Variants in FGF19 observed in about 807,000 individuals in gnomAD.
FGF19 encodes the protein fibroblast growth factor 19.
Under a neutral mutation model 8.9 loss-of-function variants are expected in FGF19, and 5 were observed. The ratio of observed to expected loss-of-function variants is 0.56; its 90% CI spans 0.29 to 1.18. The LOEUF is 1.18. FGF19 is among the 50% of genes most tolerant of loss of function. FGF19 has a pLI of 0.08. For synonymous variants in FGF19, 124 were observed against 128.0 expected (o/e 0.97, Z 0.21); for missense variants, 237 against 293.9 (o/e 0.81, Z 1.42).
At chr11:69,701,589 C>A (rs1239560302) in intron 2 of FGF19, among the ~76,000 whole-genome samples, 1 of 110,522 alleles carries the variant, frequency 9.0e-6, no homozygotes, top group Non-Finnish European at 1.7e-5. Context: ...GGCGACAGAG[C>A]AAGCGAGACT....
At position 69,702,974 on chromosome 11, in the gene FGF19, T is replaced by A. The variant is rs1854792957; in HGVS notation, c.336+287A>T. On this transcript the variant is annotated intron_variant, in intron 2 of 2. Transcript: ENST00000294312. This position sits in a 1 kb window ranked among gnomAD's most constrained non-coding sequence, Gnocchi z 4.6. ...TTTAATATCAAAGGAGGCCGAATAA[T>A]GGGTTTCCTCGGTCCGGCTAGGCCG... Among the ~76,000 whole-genome samples, 1 of 152,078 alleles carries A rather than the reference T, an allele frequency of 6.6e-6. No homozygotes were observed. Among genetic ancestry groups the A allele is most frequent in the Non-Finnish European group, 1.5e-5 (1 of 68,002 alleles).
chr11:69,699,248 G>T lies in FGF19; in HGVS notation c.*14C>A. 6.3e-7 allele frequency: 1 copy of T among 1,589,738 alleles called. No homozygotes were observed. ...GCCCCTGGCAGCAGTGAAGAGGCCC[G>T]GGCATGGTCTCAGTTACTTCTCAAA... On this transcript the variant is annotated 3_prime_UTR_variant, in exon 3 of 3. Transcript: ENST00000294312.
Position 69,699,165 on chromosome 11 carries a change from G to T in FGF19, c.*97C>A. The T allele has an allele frequency of 1.2e-6, 1 of 841,896 alleles. No individual in the cohort carries two copies. The highest frequency in any genetic ancestry group is 1.8e-5 in the South Asian group (1 of 56,778). 52.2% of individuals were successfully genotyped at this position (841,896 alleles called of 1,614,324 possible). A position where few individuals can be genotyped will look rare whatever the true frequency, so the allele number is the denominator to read the frequency against. On this transcript the variant is annotated 3_prime_UTR_variant, in exon 3 of 3. Transcript: ENST00000294312. Reference sequence around the variant, plus strand: ...AGATGTTTCTTCCTAAAGCTAAACAGAACGTGGACTCAGGACTGTTCTTGT... The same window carrying T: ...AGATGTTTCTTCCTAAAGCTAAACATAACGTGGACTCAGGACTGTTCTTGT...
chr11:69,699,487 C>T lies in FGF19; in HGVS notation c.426G>A (p.Pro142=), dbSNP rs778239635. ...GCTGTTTGGCACTGCTCAGGGAGACCGGGAGGCGGTGCTTCTCGGATCGGT... is the reference window on the plus strand; with the variant it reads ...GCTGTTTGGCACTGCTCAGGGAGACTGGGAGGCGGTGCTTCTCGGATCGGT... ...NVYRSEKHRL[P]VSLSSAKQRQ... The change falls in exon 3 of 3, where the codon CCG becomes CCA. Residue 142 remains proline, a synonymous_variant. Coordinates refer to ENST00000294312, the MANE Select transcript of FGF19 (RefSeq NM_005117.3). The T allele has an allele frequency of 1.4e-5, 22 of 1,614,160 alleles. No homozygotes were observed. The highest frequency in any genetic ancestry group is 5.5e-5 in the South Asian group (5 of 91,082).
chr11:69,700,191 A>G (rs1854752916), intron 2 of FGF19, among the ~76,000 whole-genome samples: 2 of 152,138 alleles, frequency 1.3e-5, no homozygotes, highest in African/African-American at 4.8e-5. Context: ...TATGTACATT[A>G]TGTTAATATA....
In FGF19 at chr11:69,702,433, T is replaced by C. The variant is rs1236913868; in HGVS notation, c.336+828A>G. 6.6e-6 allele frequency among the ~76,000 whole-genome samples: 1 copy of C among 152,002 alleles called. No individual in the cohort carries two copies. Among genetic ancestry groups the C allele is most frequent in the Non-Finnish European group, 1.5e-5 (1 of 67,972 alleles). On this transcript the variant is annotated intron_variant, in intron 2 of 2. Transcript: ENST00000294312. This position sits in a 1 kb window ranked among gnomAD's most constrained non-coding sequence, Gnocchi z 4.6. ...CCGCCAGGGAGTCCGGGGCTGCGTG[T>C]GAGGCCTGCGCGGGCCGAGACCTCA...
rs1854810249 is a variant in FGF19, at chr11:69,703,940, C to T, written c.-64G>A. On this transcript the variant is annotated 5_prime_UTR_variant, in exon 1 of 3. Transcript: ENST00000294312. The surrounding 1 kb of genome is among the most constrained non-coding windows in gnomAD (Gnocchi z 6.8). Reference sequence around the variant, plus strand: ...GGGGTGCGGGAGGCTGGGCGGCGACCGGGATGCGCTGCGGGGCTGTGAGTG... The same window carrying T: ...GGGGTGCGGGAGGCTGGGCGGCGACTGGGATGCGCTGCGGGGCTGTGAGTG... 2.0e-6 allele frequency: 2 copies of T among 1,007,370 alleles called. No homozygotes were observed. The highest frequency in any genetic ancestry group is 2.6e-6 in the Non-Finnish European group (2 of 778,984). 62.4% of individuals were successfully genotyped at this position (1,007,370 alleles called of 1,614,324 possible). A position where few individuals can be genotyped will look rare whatever the true frequency, so the allele number is the denominator to read the frequency against.
rs115437861 is a variant in FGF19 at position 69,703,224 on chromosome 11, C to T, written c.336+37G>A. The T allele has an allele frequency of 4.8e-6, 7 of 1,465,658 alleles. No individual in the cohort carries two copies. The African/African-American group carries it at 8.4e-5, about 18-fold the overall frequency. The allele number at this position is 1,465,658 out of a possible 1,614,324, so 90.8% of individuals were successfully genotyped here. ...CTCCGCCCGGGGACAGGCGCCGGTC[C>T]CCCGCCCCGGCGCATCCGCCCCGTG... On this transcript the variant is annotated intron_variant, in intron 2 of 2. Coordinates refer to ENST00000294312, the MANE Select transcript of FGF19 (RefSeq NM_005117.3). This position sits in a 1 kb window ranked among gnomAD's most constrained non-coding sequence, Gnocchi z 6.8.
At chr11:69,700,343 A>G (rs920942810) in intron 2 of FGF19, among the ~76,000 whole-genome samples, 1 of 152,056 alleles carries the variant, frequency 6.6e-6, no homozygotes, top group African/African-American at 2.4e-5. Flanking sequence ...CTACATATAC[A>G]CTCTATATAG....
intron 2 of FGF19, among the ~76,000 whole-genome samples, chr11:69,701,606 CAAAAA>C (rs35300469): frequency 1.7e-5 from 1 of 59,880 alleles, no homozygotes; most frequent in Non-Finnish European, 2.8e-5. Flanking sequence ...GACTCCGTCT[CAAAAA>C]AAAAAAAAAA....
chr11:69,700,088 C>CA (rs976908313), intron 2 of FGF19, among the ~76,000 whole-genome samples: 90 of 145,052 alleles, frequency 6.2e-4, no homozygotes, highest in Middle Eastern at 3.5e-3. Context: ...GACCCTGTCT[C>CA]AAAAAAAAAC....
At chr11:69,699,715 A>G (rs983396628) in intron 2 of FGF19, 139 bp from the exon 3 acceptor site, 2 of 613,802 alleles carry the variant, frequency 3.3e-6, no homozygotes, top group Non-Finnish European at 5.7e-6. Context: ...TGTTTTATAC[A>G]TACTTCCTGA....
At chr11:69,700,204 A>G (rs1042000008) in intron 2 of FGF19, among the ~76,000 whole-genome samples, 1 of 152,082 alleles carries the variant, frequency 6.6e-6, no homozygotes, top group Non-Finnish European at 1.5e-5. Context: ...TTAATATATA[A>G]CCCATTAATA....
At position 69,703,948 on chromosome 11, in the gene FGF19, G is replaced by C; in HGVS notation, c.-72C>G. 1.1e-6 allele frequency: 1 copy of C among 920,126 alleles called. No homozygotes were observed. Among genetic ancestry groups the C allele is most frequent in the Non-Finnish European group, 1.4e-6 (1 of 699,778 alleles). The allele number at this position is 920,126 out of a possible 1,614,324, so 57.0% of individuals were successfully genotyped here. On this transcript the variant is annotated 5_prime_UTR_variant, in exon 1 of 3. Transcript: ENST00000294312. The surrounding 1 kb of genome is among the most constrained non-coding windows in gnomAD (Gnocchi z 6.8). Reference sequence around the variant, plus strand: ...GGAGGCTGGGCGGCGACCGGGATGCGCTGCGGGGCTGTGAGTGCCGGGTTG... The same window carrying C: ...GGAGGCTGGGCGGCGACCGGGATGCCCTGCGGGGCTGTGAGTGCCGGGTTG...
At position 69,703,661 on chromosome 11, in the gene FGF19, C is replaced by A; in HGVS notation, c.216G>T (p.Arg72=). The A allele has an allele frequency of 8.1e-7, 1 of 1,232,668 alleles. No homozygotes were observed. The highest frequency in any genetic ancestry group is 1.0e-6 in the Non-Finnish European group (1 of 988,766). 76.4% of individuals were successfully genotyped at this position (1,232,668 alleles called of 1,614,324 possible). The stretch of plus-strand genomic sequence containing the variant: ...GGCACTCACTGTGCGCGCTCTGGCC[C>A]CGCGCGCAGTCCACGACGCCGTCGG... The part of the protein sequence containing the change: ...IRADGVVDCA[R]GQSAHSLLEI... Residue 72 remains arginine, a synonymous_variant, in exon 1 of 3, where the codon CGG becomes CGT. Transcript: ENST00000294312. The surrounding 1 kb of genome is among the most constrained non-coding windows in gnomAD (Gnocchi z 6.8).
rs535306148 is a variant in FGF19, at chr11:69,702,675, C to G, written c.336+586G>C. On this transcript the variant is annotated intron_variant, in intron 2 of 2. Transcript: ENST00000294312. This position sits in a 1 kb window ranked among gnomAD's most constrained non-coding sequence, Gnocchi z 4.6. ...GGCCCGCAGGAGGAAAAGCACTCCC[C>G]TGGCGCAACATGACTCCAGCGCATC... is the stretch of plus-strand genomic sequence containing the variant. Among the ~76,000 whole-genome samples the G allele has an allele frequency of 6.6e-6, 1 of 152,142 alleles. No individual in the cohort carries two copies. The highest frequency in any genetic ancestry group is 1.5e-5 in the Non-Finnish European group (1 of 68,032).
At chr11:69,699,703 C>T in intron 2 of FGF19, 127 bp from the exon 3 acceptor site, 1 of 643,198 alleles carries the variant, frequency 1.6e-6, no homozygotes, top group East Asian at 2.7e-5. Context: ...GCATCACTTG[C>T]ATGTTTTATA....
rs1229556692 is a variant in FGF19, at chr11:69,702,256, ACGG to A, written c.336+1002_336+1004del. Among the ~76,000 whole-genome samples, 2 of 152,150 alleles carry A rather than the reference ACGG, an allele frequency of 1.3e-5. No homozygotes were observed. The highest frequency in any genetic ancestry group is 2.9e-5 in the Non-Finnish European group (2 of 68,018). On this transcript the variant is annotated intron_variant, in intron 2 of 2. Coordinates refer to ENST00000294312, the MANE Select transcript of FGF19 (RefSeq NM_005117.3). This position sits in a 1 kb window ranked among gnomAD's most constrained non-coding sequence, Gnocchi z 4.6. Reference sequence around the variant, plus strand: ...AACAGGCGCTCCGAGTACACGGAGCACGGCAGAGGCACCGAGCAATTTTGAGAC... The same window carrying A: ...AACAGGCGCTCCGAGTACACGGAGCACAGAGGCACCGAGCAATTTTGAGAC...
In FGF19 at chr11:69,703,941, G is replaced by C; in HGVS notation, c.-65C>G. The C allele has an allele frequency of 2.0e-6, 2 of 996,560 alleles. No homozygotes were observed. Among genetic ancestry groups the C allele is most frequent in the Non-Finnish European group, 2.6e-6 (2 of 769,108 alleles). 61.7% of individuals were successfully genotyped at this position (996,560 alleles called of 1,614,324 possible). ...GGGTGCGGGAGGCTGGGCGGCGACC[G>C]GGATGCGCTGCGGGGCTGTGAGTGC... On this transcript the variant is annotated 5_prime_UTR_variant, in exon 1 of 3. Coordinates refer to ENST00000294312, the MANE Select transcript of FGF19 (RefSeq NM_005117.3). This position sits in a 1 kb window ranked among gnomAD's most constrained non-coding sequence, Gnocchi z 6.8.
Sources: allele counts gnomAD v4.1 joint callset (sites outside exome capture counted in the v4.1 genomes callset), GRCh38; gene constraint gnomAD v4.1.1; non-coding constraint Gnocchi (gnomAD v3.1); transcripts MANE v1.5; gene names NCBI Gene and HGNC (gene_info 2026-07-23, HGNC 2026-07-21).